RYR3: variants seen among roughly 807,000 people sequenced by gnomAD.
RYR3 encodes ryanodine receptor 3, also known as brain ryanodine receptor-calcium release channel.
In RYR3, 207 loss-of-function variants were observed where a neutral mutation model predicts 584.3. The observed-to-expected ratio is 0.35, with a 90% CI of 0.32 to 0.40. The LOEUF (loss-of-function observed/expected upper bound fraction) is 0.40, where lower values mean the gene tolerates loss of function less well. Ranked by LOEUF, RYR3 falls within the 10% of genes least tolerant of loss-of-function variation. The pLI is 1.00. For synonymous variants in RYR3, 2,416 were observed against 2,248.5 expected (o/e 1.07, Z -2.11); for missense variants, 5,616 against 6,089.2 (o/e 0.92, Z 2.59).
intron 20 of RYR3, among the ~76,000 whole-genome samples, chr15:33,625,992 CAAG>C (rs1332016353): frequency 6.6e-6 from 1 of 152,158 alleles, no homozygotes; most frequent in Non-Finnish European, 1.5e-5. Flanking sequence ...CCTTCATAGA[CAAG>C]AAGCTTGAAG....
At chr15:33,770,297 A>G (rs1039907769) in intron 62 of RYR3, among the ~76,000 whole-genome samples, 1 of 152,232 alleles carries the variant, frequency 6.6e-6, no homozygotes, top group Non-Finnish European at 1.5e-5. Flanking sequence ...AATAAGGACT[A>G]TTAAAGGGAT....
intron 37 of RYR3, among the ~76,000 whole-genome samples, chr15:33,669,841 T>TGG (rs2063711054): frequency 1.1e-4 from 1 of 9,404 alleles, no homozygotes; most frequent in Non-Finnish European, 2.2e-4. Context: ...GGTGTGTGTG[T>TGG]GTGGGGGGGG....
intron 43 of RYR3, among the ~76,000 whole-genome samples, chr15:33,720,008 A>G (rs2067792544): frequency 6.6e-6 from 1 of 152,190 alleles, no homozygotes; most frequent in Admixed American, 6.5e-5. Context: ...TGTGTGATAC[A>G]TTGGATAGAA....
chr15:33,661,773 A>G (rs1462208406), intron 34 of RYR3, among the ~76,000 whole-genome samples: 5 of 152,132 alleles, frequency 3.3e-5, no homozygotes, highest in Non-Finnish European at 5.9e-5. Flanking sequence ...CATAATCTAC[A>G]TTTTCTGAGG....
chr15:33,813,967 T>C (rs2076675835), intron 74 of RYR3, among the ~76,000 whole-genome samples: 1 of 152,214 alleles, frequency 6.6e-6, no homozygotes, highest in African/African-American at 2.4e-5. Flanking sequence ...ATTTCTCTGC[T>C]CAGGAACTTG....
At chr15:33,731,433 C>T (rs1325358499) in intron 47 of RYR3, 41 bp from the exon 48 acceptor site, 1 of 1,454,814 alleles carries the variant, frequency 6.9e-7, no homozygotes, top group Non-Finnish European at 9.5e-7. Flanking sequence ...TTGCTCTGTT[C>T]CTCAGGGCAA....
chr15:33,560,281 CTTTG>C (rs1355513294), intron 10 of RYR3, among the ~76,000 whole-genome samples: 3 of 152,254 alleles, frequency 2.0e-5, no homozygotes, highest in Non-Finnish European at 4.4e-5. Flanking sequence ...GTCTCTAGAT[CTTTG>C]TTTGTTGTTG....
At chr15:33,790,137 C>G (rs570344628) in intron 67 of RYR3, among the ~76,000 whole-genome samples, 1 of 151,604 alleles carries the variant, frequency 6.6e-6, no homozygotes, top group East Asian at 1.9e-4. Flanking sequence ...ACTACAGGCG[C>G]ACACCACCAC....
intron 2 of RYR3, among the ~76,000 whole-genome samples, chr15:33,502,568 G>A (rs2052088538): frequency 6.6e-6 from 1 of 152,186 alleles, no homozygotes; most frequent in South Asian, 2.1e-4. Flanking sequence ...ATTGAAATGG[G>A]ATTGTAAACT....
In RYR3 at chr15:33,646,537, G is replaced by C; in HGVS notation, c.3941+11G>C. On this transcript the variant is annotated intron_variant, in intron 29 of 103. Transcript: ENST00000634891. ...AGCTTTCCAGAAAAGGTGAGGGTGA[G>C]GCCTCCAGTTCTCAGAGGCACTCAT... 6.2e-7 allele frequency: 1 copy of C among 1,601,318 alleles called. No individual in the cohort carries two copies. Among genetic ancestry groups the C allele is most frequent in the Non-Finnish European group, 8.5e-7 (1 of 1,171,500 alleles).
intron 97 of RYR3, 91 bp downstream of exon 97, chr15:33,854,540 A>G: frequency 8.6e-7 from 1 of 1,168,008 alleles, no homozygotes; most frequent in South Asian, 1.5e-5. Flanking sequence ...AGAAGGGTTC[A>G]GGGATTGCTT....
At chr15:33,371,356 G>A (rs1394714584) in intron 1 of RYR3, among the ~76,000 whole-genome samples, 1 of 152,164 alleles carries the variant, frequency 6.6e-6, no homozygotes, top group African/African-American at 2.4e-5. Flanking sequence ...TGGTATCAAG[G>A]CTCCTGCAGG....
intron 1 of RYR3, among the ~76,000 whole-genome samples, chr15:33,446,495 T>C (rs1308617264): frequency 6.6e-6 from 1 of 152,184 alleles, no homozygotes; most frequent in South Asian, 2.1e-4. Flanking sequence ...TTTGGTTTCT[T>C]CTGAGGCCTC....
Position 33,853,639 on chromosome 15 carries a change from C to G in RYR3, c.13756C>G (p.Pro4586Ala), listed in dbSNP as rs2079337195. 1 of 1,613,886 alleles carries G rather than the reference C, an allele frequency of 6.2e-7. No individual in the cohort carries two copies. The highest frequency in any genetic ancestry group is 8.5e-7 in the Non-Finnish European group (1 of 1,179,848). The change falls in exon 96 of 104, where the codon CCA becomes GCA. Residue 4586 changes from proline (P) to alanine (A), a missense_variant. By Grantham distance (27) the Pro-to-Ala change is conservative. This residue lies in a region of RYR3 where 918 missense variants were observed against 887.4 expected (regional missense o/e 1.03). Transcript: ENST00000634891. ...GLDKNALDFS[P>A]VEETKAEAAS... is the part of the protein sequence containing the mutation. ...GGACAAAAATGCTCTTGACTTTAGC[C>G]CAGTAGAAGAGACCAAAGCAGAAGC... is the stretch of plus-strand genomic sequence containing the variant.
At chr15:33,779,152 G>C (rs2074220939) in intron 64 of RYR3, among the ~76,000 whole-genome samples, 1 of 152,010 alleles carries the variant, frequency 6.6e-6, no homozygotes, top group Non-Finnish European at 1.5e-5. Context: ...TAGATTTGCT[G>C]TCTGCAGATT....
At chr15:33,364,297 C>G (rs1242642990) in intron 1 of RYR3, among the ~76,000 whole-genome samples, 2 of 152,100 alleles carry the variant, frequency 1.3e-5, no homozygotes, top group African/African-American at 2.4e-5. Context: ...GACATTCCTT[C>G]CATCACAAAC....
chr15:33,683,895 C>G (rs942874122), intron 38 of RYR3, among the ~76,000 whole-genome samples: 7 of 152,268 alleles, frequency 4.6e-5, no homozygotes, highest in African/African-American at 9.6e-5. Flanking sequence ...GAGCAGCAGT[C>G]TGAGATCGAA....
At chr15:33,806,948 G>C (rs2076245097) in intron 69 of RYR3, among the ~76,000 whole-genome samples, 1 of 150,054 alleles carries the variant, frequency 6.7e-6, no homozygotes, top group Admixed American at 6.6e-5. Flanking sequence ...AAAGACAGTG[G>C]CTATGTTGCT....
At chr15:33,415,798 C>A (rs1459052755) in intron 1 of RYR3, among the ~76,000 whole-genome samples, 2 of 151,954 alleles carry the variant, frequency 1.3e-5, no homozygotes, top group East Asian at 3.9e-4. Flanking sequence ...CTCGAATGAC[C>A]CCATCACCCA....
Sources: gnomAD v4.1 joint callset for allele counts (sites outside exome capture counted in the v4.1 genomes callset) on GRCh38, gnomAD v4.1.1 for gene constraint, gnomAD v4.1.1 regional missense constraint, MANE v1.5 for transcripts, NCBI Gene and HGNC (gene_info 2026-07-23, HGNC 2026-07-21) for gene names.